The following FHDC1 variants were observed in gnomAD, a reference collection of about 807,000 sequenced individuals.
FHDC1 encodes FH2 domain containing 1.
Under a neutral mutation model 52.6 loss-of-function variants are expected in FHDC1, and 25 were observed. That is an observed-to-expected ratio of 0.48 (90% CI 0.35 to 0.66). The LOEUF is 0.66. FHDC1 is among the 30% of genes least tolerant of loss of function. The probability of loss-of-function intolerance (pLI) is 0.01; values close to 1 mark genes in which losing one functional copy is unlikely to be tolerated. For synonymous variants in FHDC1, 616 were observed against 581.5 expected (o/e 1.06, Z -0.85); for missense variants, 1,459 against 1,452.8 (o/e 1.00, Z -0.07).
chr4:152,967,069 A>G lies in FHDC1; in HGVS notation c.1101-911A>G, dbSNP rs562128961. Among the ~76,000 whole-genome samples the G allele has an allele frequency of 5.0e-4, 76 of 152,266 alleles. 1 individual carries two copies. In the South Asian group the frequency reaches 0.014, roughly 28 times the overall value. ...CAGGAGGTCAGTGCTGCAGTGAGCC[A>G]TGATCTTGCCACTGCTCTTCAGCTT... On this transcript the variant is annotated intron_variant, in intron 9 of 11. Transcript: ENST00000511601.
intron 4 of FHDC1, among the ~76,000 whole-genome samples, chr4:152,955,695 C>A (rs1352810224): frequency 6.6e-6 from 1 of 152,216 alleles, no homozygotes; most frequent in Non-Finnish European, 1.5e-5. Flanking sequence ...TCAGGCTGGT[C>A]TTGAACTCTT....
At chr4:152,969,644 T>C (rs1168891814) in intron 10 of FHDC1, among the ~76,000 whole-genome samples, 2 of 151,976 alleles carry the variant, frequency 1.3e-5, no homozygotes, top group Non-Finnish European at 1.5e-5. Context: ...TTTTAACCCT[T>C]TACACTTCTT....
chr4:152,950,213 C>T (rs1739882673), intron 2 of FHDC1, among the ~76,000 whole-genome samples: 1 of 152,148 alleles, frequency 6.6e-6, no homozygotes, highest in Non-Finnish European at 1.5e-5. Flanking sequence ...TCTGAATGGC[C>T]CAGCTTTGAG....
the FHDC1 span, chr4:152,928,126 C>T: frequency 6.1e-6 from 6 of 979,162 alleles, no homozygotes; most frequent in Admixed American, 3.4e-5. Context: ...CTGAGTCCAG[C>T]GCAGACAGTG....
Position 152,975,957 on chromosome 4 carries a change from A to T in FHDC1, c.2666A>T (p.Lys889Met). Residue 889 changes from lysine to methionine, a missense_variant, in exon 12 of 12, where the codon AAG (lysine) becomes ATG (methionine). Around this residue, in one of 3 missense-constraint regions of FHDC1, gnomAD observed 939 missense variants for 854.5 expected, o/e 1.10. Transcript: ENST00000511601. The part of the protein sequence containing the change: ...SARRSQGAVA[K>M]SVRTLTASEN... Reference sequence around the variant, plus strand: ...CGGCGGAGCCAGGGGGCAGTGGCCAAGTCTGTGCGGACCCTGACCGCCTCA... The same window carrying T: ...CGGCGGAGCCAGGGGGCAGTGGCCATGTCTGTGCGGACCCTGACCGCCTCA... The T allele has an allele frequency of 6.6e-7, 1 of 1,519,074 alleles. No homozygotes were observed. The highest frequency in any genetic ancestry group is 1.3e-5 in the South Asian group (1 of 74,868). The allele number at this position is 1,519,074 out of a possible 1,614,324, so 94.1% of individuals were successfully genotyped here. A position where few individuals can be genotyped will look rare whatever the true frequency, so the allele number is the denominator to read the frequency against.
rs1304471364 is a variant in FHDC1 at position 152,962,787 on chromosome 4, GGT to G, written c.851-25_851-24del. On this transcript the variant is annotated intron_variant, in intron 6 of 11. Transcript: ENST00000511601. ...CATTTGAAACTGAAGGCATCTCTAA[GGT>G]GCTGTGATGTGTTCTTTTTGATAGA... The G allele has an allele frequency of 2.5e-6, 4 of 1,599,676 alleles. No individual in the cohort carries two copies. The South Asian group carries it at 4.4e-5, about 18-fold the overall frequency.
chr4:152,947,483 A>G (rs1244339261), intron 2 of FHDC1, among the ~76,000 whole-genome samples: 1 of 152,158 alleles, frequency 6.6e-6, no homozygotes, highest in Non-Finnish European at 1.5e-5. Context: ...TATTACTGAC[A>G]TTCCTCAGGC....
At chr4:152,942,690 A>G (rs993574728) in intron 1 of FHDC1, among the ~76,000 whole-genome samples, 3 of 152,338 alleles carry the variant, frequency 2.0e-5, no homozygotes, top group South Asian at 2.1e-4. Flanking sequence ...TGCTTTGTTG[A>G]TTAATATAAG....
chr4:152,936,869 C>G (rs553873011), intron 1 of FHDC1, among the ~76,000 whole-genome samples: 1 of 152,286 alleles, frequency 6.6e-6, no homozygotes, highest in African/African-American at 2.4e-5. Context: ...GCGCCGCGCT[C>G]GGTTCCCTAG....
rs536771276 is a variant in FHDC1, at chr4:152,947,384, A to T, written c.498+3829A>T. Among the ~76,000 whole-genome samples the T allele has an allele frequency of 4.6e-5, 7 of 152,332 alleles. No homozygotes were observed. The South Asian group carries it at 1.5e-3, about 32-fold the overall frequency. On this transcript the variant is annotated intron_variant, in intron 2 of 11. Coordinates refer to ENST00000511601, the MANE Select transcript of FHDC1 (RefSeq NM_001371116.1). ...TAGAAATAAAGACATATTACTGGGG[A>T]TGAGACGAGAGAGATTCAGCTCAAA...
the FHDC1 span, among the ~76,000 whole-genome samples, chr4:152,928,970 T>G: frequency 6.6e-6 from 1 of 151,952 alleles, no homozygotes; most frequent in African/African-American, 2.4e-5. Flanking sequence ...AGATTCTAAA[T>G]TTTAGAGAAA....
chr4:152,975,776 C>A lies in FHDC1; in HGVS notation c.2485C>A (p.Pro829Thr). Residue 829 changes from proline (P) to threonine (T), a missense_variant, in exon 12 of 12, where the codon CCT becomes ACT. Pro to Thr is a conservative substitution (Grantham distance 38). This residue lies in a region of FHDC1 where 939 missense variants were observed against 854.5 expected (regional missense o/e 1.10). Coordinates refer to ENST00000511601, the MANE Select transcript of FHDC1 (RefSeq NM_001371116.1). ...QVSSNPTSSPPGEAPAPVSVD... is the reference protein window; with the variant it reads ...QVSSNPTSSPTGEAPAPVSVD... Reference sequence around the variant, plus strand: ...CTCCTCCAACCCTACATCCAGCCCCCCTGGGGAGGCTCCTGCCCCCGTCTC... The same window carrying A: ...CTCCTCCAACCCTACATCCAGCCCCACTGGGGAGGCTCCTGCCCCCGTCTC... The A allele has an allele frequency of 6.4e-7, 1 of 1,554,808 alleles. No homozygotes were observed.
intron 3 of FHDC1, among the ~76,000 whole-genome samples, chr4:152,953,882 T>C (rs1740001347): frequency 6.6e-6 from 1 of 152,260 alleles, no homozygotes; most frequent in Admixed American, 6.5e-5. Context: ...GAGTTTTGTG[T>C]TCTGAAGTAT....
intron 1 of FHDC1, among the ~76,000 whole-genome samples, chr4:152,939,217 C>T (rs184360239): frequency 1.6e-3 from 250 of 152,202 alleles, no homozygotes; most frequent in African/African-American, 5.7e-3. Flanking sequence ...GTAGCTGGGA[C>T]TACAGGCGCG....
the FHDC1 span, among the ~76,000 whole-genome samples, chr4:152,928,633 G>T: frequency 1.3e-5 from 2 of 152,332 alleles, no homozygotes; most frequent in African/African-American, 4.8e-5. Context: ...TATTGTAGAT[G>T]AATGTGTTGT....
intron 10 of FHDC1, among the ~76,000 whole-genome samples, chr4:152,970,656 A>G (rs1740612602): frequency 6.6e-6 from 1 of 152,232 alleles, no homozygotes; most frequent in Non-Finnish European, 1.5e-5. Flanking sequence ...CCTTTCATTA[A>G]TACCATTCCT....
rs983238875 is a variant in FHDC1 at position 152,977,872 on chromosome 4, G to T, written c.*1149G>T. The stretch of plus-strand genomic sequence containing the variant: ...CTTCCCCATAAGCCTTGGGTATCCT[G>T]TGATGGGCTGTGTCTCCCTGAAGAT... On this transcript the variant is annotated 3_prime_UTR_variant, in exon 12 of 12. Transcript: ENST00000511601. The T allele has an allele frequency of 6.6e-6, 1 of 152,274 alleles. No homozygotes were observed. Among genetic ancestry groups the T allele is most frequent in the African/African-American group, 2.4e-5 (1 of 41,440 alleles). The allele number at this position is 152,274 out of a possible 1,614,324, so 9.4% of individuals were successfully genotyped here.
chr4:152,969,230 C>T (rs1351892690), intron 10 of FHDC1, among the ~76,000 whole-genome samples: 2 of 152,180 alleles, frequency 1.3e-5, no homozygotes, highest in African/African-American at 4.8e-5. Context: ...ACAGTGTGCT[C>T]CTGAGGTTGT....
intron 3 of FHDC1, 27 bp from the exon 4 acceptor site, chr4:152,954,190 T>A: frequency 6.3e-7 from 1 of 1,590,748 alleles, no homozygotes; most frequent in Non-Finnish European, 8.6e-7. Flanking sequence ...AAACGTGAAA[T>A]GGAATGTGAT....
Sources: allele counts gnomAD v4.1 joint callset (sites outside exome capture counted in the v4.1 genomes callset), GRCh38; gene constraint gnomAD v4.1.1; regional missense constraint gnomAD v4.1.1; transcripts MANE v1.5; gene names NCBI Gene and HGNC (gene_info 2026-07-23, HGNC 2026-07-21).